Variants in SPTSSA observed in about 807,000 individuals in gnomAD.
The protein encoded by SPTSSA is serine palmitoyltransferase small subunit A.
Under a neutral mutation model 9.1 loss-of-function variants are expected in SPTSSA, and 8 were observed. The observed-to-expected ratio is 0.88, with a 90% CI of 0.51 to 1.58. SPTSSA has a LOEUF of 1.58. Ranked by LOEUF, SPTSSA falls within the 40% of genes most tolerant of loss-of-function variation. The pLI is 0.00. For synonymous variants in SPTSSA, 42 were observed against 37.7 expected, an observed-to-expected ratio of 1.11 and a Z score of -0.41; for missense variants, 100 against 93.8, an observed-to-expected ratio of 1.07 and a Z score of -0.27.
chr14:34,438,985 T>C (rs372318016), intron 1 of SPTSSA, among the ~76,000 whole-genome samples: 45 of 152,270 alleles, frequency 3.0e-4, no homozygotes, highest in Admixed American at 1.8e-3. Flanking sequence ...CAGAAGTAGA[T>C]AGGGACTGAA....
intron 1 of SPTSSA, among the ~76,000 whole-genome samples, chr14:34,450,873 G>A (rs1263198837): frequency 6.6e-6 from 1 of 152,100 alleles, no homozygotes; most frequent in Non-Finnish European, 1.5e-5. Context: ...CATAACCTGG[G>A]CATAACATAA....
At chr14:34,462,071 C>A in intron 1 of SPTSSA, 25 bp downstream of exon 1, 1 of 1,352,410 alleles carries the variant, frequency 7.4e-7, no homozygotes, top group Non-Finnish European at 9.6e-7. Context: ...GCCCGGCCCC[C>A]GCGCGCGCGG....
In SPTSSA at chr14:34,452,245, C is replaced by CA. The variant is rs532756986; in HGVS notation, c.112+9850dup. Among the ~76,000 whole-genome samples, 786 of 96,752 alleles carry CA rather than the reference C, an allele frequency of 8.1e-3. 4 individuals carry two copies. Among genetic ancestry groups the CA allele is most frequent in the African/African-American group, 0.011 (334 of 30,848 alleles). The allele number at this position is 96,752 out of a possible 152,430, so 63.5% of individuals were successfully genotyped here. On this transcript the variant is annotated intron_variant, in intron 1 of 1. Coordinates refer to ENST00000298130, the MANE Select transcript of SPTSSA (RefSeq NM_138288.4). ...TGAGCAACAGAGTGAGACTCAATCTCAAAAAAAAAAAAAAAAAAAAGAAAG... is the reference window on the plus strand; with the variant it reads ...TGAGCAACAGAGTGAGACTCAATCTCAAAAAAAAAAAAAAAAAAAAAGAAAG...
At position 34,459,455 on chromosome 14, in the gene SPTSSA, T is replaced by C. The variant is rs149922210; in HGVS notation, c.112+2641A>G. On this transcript the variant is annotated intron_variant, in intron 1 of 1. Transcript: ENST00000298130. ...GCCTCGGCAACAGAGCGAGACACCG[T>C]CTCAAAAAAAAAAAAAGAAAAAGAA... Among the ~76,000 whole-genome samples, 806 of 125,468 alleles carry C rather than the reference T, an allele frequency of 6.4e-3. 5 individuals are homozygous for C. The highest frequency in any genetic ancestry group is 1.0e-2 in the Non-Finnish European group (615 of 61,616). 82.3% of individuals were successfully genotyped at this position (125,468 alleles called of 152,430 possible). A position where few individuals can be genotyped will look rare whatever the true frequency, so the allele number is the denominator to read the frequency against.
chr14:34,456,523 T>C (rs775254791), intron 1 of SPTSSA, among the ~76,000 whole-genome samples: 1 of 152,118 alleles, frequency 6.6e-6, no homozygotes, highest in African/African-American at 2.4e-5. Flanking sequence ...TAACATGCCA[T>C]GGAAACATCA....
intron 1 of SPTSSA, among the ~76,000 whole-genome samples, chr14:34,452,810 TA>T (rs1182106906): frequency 6.6e-6 from 1 of 152,242 alleles, no homozygotes; most frequent in African/African-American, 2.4e-5. Flanking sequence ...CATGTTTCTG[TA>T]ACATCAGATA....
chr14:34,456,636 G>A (rs911639221), intron 1 of SPTSSA, among the ~76,000 whole-genome samples: 2 of 151,688 alleles, frequency 1.3e-5, no homozygotes, highest in Non-Finnish European at 2.9e-5. Flanking sequence ...GGTAGCTCAT[G>A]CCTGTAATCC....
intron 1 of SPTSSA, among the ~76,000 whole-genome samples, chr14:34,447,391 CT>C (rs1883440261): frequency 6.6e-6 from 1 of 152,074 alleles, no homozygotes. Context: ...TAATAATCGT[CT>C]CCCTGGAGTG....
At chr14:34,443,506 G>GGTGTGA (rs1883364860) in intron 1 of SPTSSA, among the ~76,000 whole-genome samples, 1 of 2,978 alleles carries the variant, frequency 3.4e-4, no homozygotes, top group Non-Finnish European at 1.1e-3. Flanking sequence ...TCTAGGGGAG[G>GGTGTGA]GTGTGTGTGT....
At chr14:34,440,427 C>T (rs1883298489) in intron 1 of SPTSSA, among the ~76,000 whole-genome samples, 2 of 152,250 alleles carry the variant, frequency 1.3e-5, no homozygotes, top group Admixed American at 6.5e-5. Context: ...AGGTCATTGG[C>T]TCAATTTCAA....
At chr14:34,443,144 T>A (rs1883350801) in intron 1 of SPTSSA, among the ~76,000 whole-genome samples, 3 of 94,092 alleles carry the variant, frequency 3.2e-5, no homozygotes, top group African/African-American at 1.3e-4. Flanking sequence ...GGTGTGTGTG[T>A]GTGTGTGTGT....
chr14:34,449,634 C>T (rs986419071), intron 1 of SPTSSA, among the ~76,000 whole-genome samples: 3 of 151,802 alleles, frequency 2.0e-5, no homozygotes, highest in African/African-American at 4.8e-5. Flanking sequence ...TCCCGAGTAG[C>T]TAGAATTACA....
At chr14:34,447,547 C>T (rs764246165) in intron 1 of SPTSSA, among the ~76,000 whole-genome samples, 2 of 152,068 alleles carry the variant, frequency 1.3e-5, no homozygotes, top group South Asian at 2.1e-4. Context: ...AGACTGGAAA[C>T]GAAAATGATG....
At chr14:34,435,703 C>G (rs1883231992) in intron 1 of SPTSSA, among the ~76,000 whole-genome samples, 1 of 142,742 alleles carries the variant, frequency 7.0e-6, no homozygotes, top group Non-Finnish European at 1.5e-5. Flanking sequence ...GATCTCGGCT[C>G]ACTGCAACCT....
intron 1 of SPTSSA, among the ~76,000 whole-genome samples, chr14:34,450,189 T>C (rs1774122259): frequency 6.6e-6 from 1 of 152,210 alleles, no homozygotes; most frequent in Non-Finnish European, 1.5e-5. Context: ...CTTTGAGGGT[T>C]TGAGCATTTA....
intron 1 of SPTSSA, among the ~76,000 whole-genome samples, chr14:34,448,986 T>TGA (rs1201384238): frequency 6.6e-6 from 1 of 151,748 alleles, no homozygotes; most frequent in East Asian, 1.9e-4. Flanking sequence ...GATGACAGAG[T>TGA]GAGACTCTAT....
At chr14:34,459,695 C>T (rs574686073) in intron 1 of SPTSSA, among the ~76,000 whole-genome samples, 1 of 152,154 alleles carries the variant, frequency 6.6e-6, no homozygotes, top group Non-Finnish European at 1.5e-5. Flanking sequence ...GCAGGAGAAT[C>T]GCTTGAACCT....
intron 1 of SPTSSA, among the ~76,000 whole-genome samples, chr14:34,441,672 C>CCT (rs571323529): frequency 2.6e-5 from 4 of 151,506 alleles, no homozygotes; most frequent in African/African-American, 4.9e-5. Context: ...CTCTCTCTCT[C>CCT]CTCTCTCTCT....
chr14:34,439,074 G>A (rs566905390), intron 1 of SPTSSA, among the ~76,000 whole-genome samples: 1 of 152,172 alleles, frequency 6.6e-6, no homozygotes, highest in African/African-American at 2.4e-5. Flanking sequence ...GTAGAATAGA[G>A]CAGGGGAAAT....
Sources: allele counts gnomAD v4.1 joint callset (sites outside exome capture counted in the v4.1 genomes callset), GRCh38; gene constraint gnomAD v4.1.1; transcripts MANE v1.5; gene names NCBI Gene and HGNC (gene_info 2026-07-23, HGNC 2026-07-21).